LRRC37A3: variants seen among roughly 807,000 people sequenced by gnomAD.
LRRC37A3 encodes the protein leucine rich repeat containing 37 member A3, also known as leucine-rich repeat-containing protein 37A3.
Under a neutral mutation model 106.2 loss-of-function variants are expected in LRRC37A3, and 25 were observed. The observed-to-expected ratio is 0.24, with a 90% CI of 0.17 to 0.33. The LOEUF is 0.33. Ranked by LOEUF, LRRC37A3 falls within the 10% of genes least tolerant of loss-of-function variation. The pLI is 1.00. For synonymous variants in LRRC37A3, 305 were observed against 635.8 expected, an observed-to-expected ratio of 0.48 and a Z score of 7.83; for missense variants, 712 against 1,644.9, an observed-to-expected ratio of 0.43 and a Z score of 9.81.
intron 10 of LRRC37A3, among the ~76,000 whole-genome samples, chr17:64,865,956 G>T (rs1021062217): frequency 6.6e-5 from 10 of 151,836 alleles, no homozygotes; most frequent in Non-Finnish European, 1.3e-4. Flanking sequence ...AATGACCTGA[G>T]GTATACTTGA....
At chr17:64,868,111 C>A (rs1290456232) in intron 10 of LRRC37A3, among the ~76,000 whole-genome samples, 1 of 151,892 alleles carries the variant, frequency 6.6e-6, no homozygotes, top group Non-Finnish European at 1.5e-5. Flanking sequence ...TGAAAGGAGC[C>A]AAACACAAGA....
chr17:64,871,010 T>C (rs1973295176), intron 8 of LRRC37A3, among the ~76,000 whole-genome samples: 1 of 151,408 alleles, frequency 6.6e-6, no homozygotes, highest in African/African-American at 2.4e-5. Flanking sequence ...GCTGGGACTA[T>C]AGGCACGCAC....
intron 2 of LRRC37A3, among the ~76,000 whole-genome samples, chr17:64,907,023 C>T (rs1298115582): frequency 7.9e-4 from 111 of 140,820 alleles, no homozygotes; most frequent in African/African-American, 3.0e-3. Context: ...TGAGCCACCA[C>T]GCCTGGCAAT....
chr17:64,871,419 CT>C (rs1567769218), intron 8 of LRRC37A3: 1 of 152,106 alleles, frequency 6.6e-6, no homozygotes, highest in Non-Finnish European at 1.5e-5. Context: ...CTTTTTATGT[CT>C]TTCCCCTAAT....
intron 8 of LRRC37A3, among the ~76,000 whole-genome samples, chr17:64,871,251 AGCAGGGCACG>A (rs1233965741): frequency 2.6e-5 from 4 of 152,012 alleles, no homozygotes; most frequent in Middle Eastern, 3.4e-3. Flanking sequence ...ATTTCTCATT[AGCAGGGCACG>A]GCAGTGCTTG....
chr17:64,916,574 G>A (rs1974705380), intron 2 of LRRC37A3, among the ~76,000 whole-genome samples: 1 of 139,816 alleles, frequency 7.2e-6, no homozygotes, highest in African/African-American at 2.7e-5. Flanking sequence ...CCCAGGATTC[G>A]AAATCAGTCT....
rs141575633 is a variant in LRRC37A3 at position 64,897,230 on chromosome 17, C to T, written c.28G>A (p.Ala10Thr). Reference protein sequence around the residue: MTSAQCPALACVMSPLRFWG... With the variant: MTSAQCPALTCVMSPLRFWG... ...AAACGCAGCGGGGACATGACACACG[C>T]TAGTGCCGGGCACTGAGCGGAAGTC... Residue 10 changes from alanine to threonine, a missense_variant, in exon 4 of 15, where the codon GCG (alanine) becomes ACG (threonine). Coordinates refer to ENST00000584306, the MANE Select transcript of LRRC37A3 (RefSeq NM_199340.5). The T allele has an allele frequency of 5.8e-5, 93 of 1,609,490 alleles. 5 individuals are homozygous for T. The African/African-American group carries it at 1.2e-3, about 21-fold the overall frequency.
intron 2 of LRRC37A3, among the ~76,000 whole-genome samples, chr17:64,910,526 C>A (rs1270559443): frequency 6.6e-6 from 1 of 152,102 alleles, no homozygotes; most frequent in African/African-American, 2.4e-5. Context: ...CCCCAGAAAC[C>A]ACTGTAGATT....
chr17:64,880,721 G>A (rs1973669981), intron 8 of LRRC37A3, among the ~76,000 whole-genome samples: 1 of 151,424 alleles, frequency 6.6e-6, no homozygotes, highest in Non-Finnish European at 1.5e-5. Context: ...AGAACAATGG[G>A]ACAGAATAAA....
chr17:64,866,887 C>T (rs1328904250), intron 10 of LRRC37A3, among the ~76,000 whole-genome samples: 1 of 148,360 alleles, frequency 6.7e-6, no homozygotes, highest in African/African-American at 2.5e-5. Flanking sequence ...GGAGGTGAGG[C>T]AGGAGGATCA....
intron 11 of LRRC37A3, among the ~76,000 whole-genome samples, chr17:64,862,403 T>C (rs1003958482): frequency 6.6e-6 from 1 of 151,938 alleles, no homozygotes; most frequent in Middle Eastern, 3.2e-3. Context: ...TAGCAATTTC[T>C]GGTTATGGAA....
chr17:64,873,997 CA>C (rs1179064819), intron 8 of LRRC37A3, among the ~76,000 whole-genome samples: 6 of 152,284 alleles, frequency 3.9e-5, no homozygotes, highest in Admixed American at 3.9e-4. Context: ...ATACTGTAAT[CA>C]AACTGACAGA....
chr17:64,855,049 C>G (rs764755248), intron 14 of LRRC37A3, among the ~76,000 whole-genome samples: 1 of 152,136 alleles, frequency 6.6e-6, no homozygotes, highest in African/African-American at 2.4e-5. Flanking sequence ...GTTGGTCAGG[C>G]TGGTCACGAG....
At chr17:64,913,336 G>GTTTT (rs1567788647) in intron 2 of LRRC37A3, among the ~76,000 whole-genome samples, 1 of 125,420 alleles carries the variant, frequency 8.0e-6, no homozygotes. Flanking sequence ...GCCTATTTTG[G>GTTTT]GTTTTTTTTT....
intron 8 of LRRC37A3, among the ~76,000 whole-genome samples, chr17:64,880,772 T>C (rs1232640748): frequency 6.6e-6 from 1 of 152,020 alleles, no homozygotes; most frequent in African/African-American, 2.4e-5. Context: ...GCCTGTTTTT[T>C]TTTTTCCCCT....
intron 11 of LRRC37A3, 149 bp downstream of exon 11, chr17:64,862,751 G>T: frequency 6.1e-6 from 7 of 1,140,548 alleles, no homozygotes; most frequent in Non-Finnish European, 8.7e-6. Flanking sequence ...CAAGGGAGTA[G>T]TTCAGAAATT....
At chr17:64,859,384 T>G (rs1033379345) in intron 12 of LRRC37A3, 58 bp downstream of exon 12, 2 of 1,339,760 alleles carry the variant, frequency 1.5e-6, no homozygotes, top group African/African-American at 2.9e-5. Context: ...GTGGGCACTT[T>G]CCTGGGATAT....
chr17:64,855,422 C>T (rs1458506993), intron 14 of LRRC37A3, among the ~76,000 whole-genome samples: 2 of 149,838 alleles, frequency 1.3e-5, no homozygotes, highest in East Asian at 3.9e-4. Context: ...GCAATAGGCA[C>T]CAAAACCTTT....
chr17:64,917,245 CA>C (rs1283286984), intron 2 of LRRC37A3, among the ~76,000 whole-genome samples: 367 of 28,412 alleles, frequency 0.013, 1 homozygote, highest in African/African-American at 0.039. Context: ...GACTCCATCT[CA>C]AAAAAAAAAA....
Sources: gnomAD v4.1 joint callset for allele counts (sites outside exome capture counted in the v4.1 genomes callset) on GRCh38, gnomAD v4.1.1 for gene constraint, MANE v1.5 for transcripts, NCBI Gene and HGNC (gene_info 2026-07-23, HGNC 2026-07-21) for gene names.